The following SLIT1 variants were observed in gnomAD, a reference collection of about 807,000 sequenced individuals.
The protein encoded by SLIT1 is slit homolog 1 protein.
A neutral mutation model predicts 186.1 loss-of-function variants in SLIT1; 66 were observed. The ratio of observed to expected loss-of-function variants is 0.35; its 90% CI spans 0.29 to 0.44. The LOEUF (loss-of-function observed/expected upper bound fraction) is 0.44. Ranked by LOEUF, SLIT1 falls within the 20% of genes least tolerant of loss-of-function variation. The pLI, the probability that SLIT1 is intolerant of heterozygous loss-of-function variation, is 1.00. For synonymous variants in SLIT1, 761 were observed against 833.8 expected, an observed-to-expected ratio of 0.91 and a Z score of 1.50; for missense variants, 1,638 against 2,037.4, an observed-to-expected ratio of 0.80 and a Z score of 3.77.
At chr10:97,124,614 AGGGCT>A (rs1236306279) in intron 4 of SLIT1, among the ~76,000 whole-genome samples, 1 of 152,178 alleles carries the variant, frequency 6.6e-6, no homozygotes, top group Non-Finnish European at 1.5e-5. Flanking sequence ...CCAGCCTGAG[AGGGCT>A]GAGCTTTGCA....
intron 22 of SLIT1, among the ~76,000 whole-genome samples, chr10:97,037,097 T>TGG (rs1211039205): frequency 2.3e-5 from 3 of 130,574 alleles, no homozygotes; most frequent in Non-Finnish European, 3.5e-5. Context: ...TGTGTGTGTG[T>TGG]GTATGTGTGT....
intron 4 of SLIT1, among the ~76,000 whole-genome samples, chr10:97,096,376 C>T (rs947432202): frequency 3.9e-5 from 6 of 152,118 alleles, no homozygotes; most frequent in Non-Finnish European, 5.9e-5. Flanking sequence ...ATCACGCCCT[C>T]GAGCCCCCCC....
intron 3 of SLIT1, among the ~76,000 whole-genome samples, chr10:97,161,568 G>A (rs1417608191): frequency 6.6e-6 from 1 of 152,220 alleles, no homozygotes; most frequent in Non-Finnish European, 1.5e-5. Flanking sequence ...CCTGAGGTCA[G>A]GAGTTCAAGA....
At chr10:97,100,591 C>T (rs1340478252) in intron 4 of SLIT1, among the ~76,000 whole-genome samples, 1 of 150,306 alleles carries the variant, frequency 6.7e-6, no homozygotes, top group Non-Finnish European at 1.5e-5. Flanking sequence ...AGCCAAGTCG[C>T]ATCACTGCAC....
chr10:97,063,385 T>C (rs1378962411), intron 8 of SLIT1, 70 bp downstream of exon 8: 5 of 1,551,766 alleles, frequency 3.2e-6, no homozygotes, highest in Non-Finnish European at 4.4e-6. Flanking sequence ...ATGTCGAGAT[T>C]AGGGGCGGGA....
chr10:97,013,718 C>T (rs1434231504), intron 30 of SLIT1, 23 bp downstream of exon 30: 1 of 1,534,062 alleles, frequency 6.5e-7, no homozygotes, highest in Non-Finnish European at 8.8e-7. Flanking sequence ...TCCTCCCTGG[C>T]CCTGGAAAGG....
rs1564692706 is a variant in SLIT1 at position 97,166,559 on chromosome 10, G to GGA, written c.198-1670_198-1669insTC. ...GGAAGGAAGGAAGGAAGGAAGGAAA[G>GGA]AGAGAGAGAGAGAAAGAAAGAAAGA... On this transcript the variant is annotated intron_variant, in intron 1 of 36. Coordinates refer to ENST00000266058, the MANE Select transcript of SLIT1 (RefSeq NM_003061.3). Among the ~76,000 whole-genome samples, 93 of 56,012 alleles carry GGA rather than the reference G, an allele frequency of 1.7e-3. 3 individuals are homozygous for GGA. In the East Asian group the frequency reaches 0.018, roughly 11 times the overall value. The allele number at this position is 56,012 out of a possible 152,430, so 36.7% of individuals were successfully genotyped here. A position where few individuals can be genotyped will look rare whatever the true frequency, so the allele number is the denominator to read the frequency against.
rs1211820749 is a variant in SLIT1 at position 97,000,686 on chromosome 10, T to A, written c.*426A>T. ...TGCCCGCAGAGGGGTAAGAGGCTTC[T>A]GGGGCCACAGACCCAGTTCCAAGCC... On this transcript the variant is annotated 3_prime_UTR_variant, in exon 37 of 37. Coordinates refer to ENST00000266058, the MANE Select transcript of SLIT1 (RefSeq NM_003061.3). The A allele has an allele frequency of 2.4e-5, 4 of 164,940 alleles. No homozygotes were observed. Among genetic ancestry groups the A allele is most frequent in the African/African-American group, 9.6e-5 (4 of 41,798 alleles). The allele number at this position is 164,940 out of a possible 1,614,324, so 10.2% of individuals were successfully genotyped here. A position where few individuals can be genotyped will look rare whatever the true frequency, so the allele number is the denominator to read the frequency against.
intron 1 of SLIT1, among the ~76,000 whole-genome samples, chr10:97,170,378 G>A (rs1285522574): frequency 3.3e-5 from 5 of 152,176 alleles, no homozygotes; most frequent in Admixed American, 1.3e-4. Context: ...CACACAATTC[G>A]TGCTCTCTAC....
At chr10:97,180,236 A>G (rs1467544418) in intron 1 of SLIT1, among the ~76,000 whole-genome samples, 2 of 152,212 alleles carry the variant, frequency 1.3e-5, no homozygotes, top group Non-Finnish European at 2.9e-5. Context: ...CCTTAATAAC[A>G]ATAATAATAC....
chr10:97,020,901 G>C (rs571695213), intron 26 of SLIT1, among the ~76,000 whole-genome samples: 1 of 152,286 alleles, frequency 6.6e-6, no homozygotes, highest in Non-Finnish European at 1.5e-5. Context: ...CAGGGACTGA[G>C]AGAGGTCTAA....
At chr10:97,165,045 C>A (rs1270943965) in intron 1 of SLIT1, among the ~76,000 whole-genome samples, 155 bp from the exon 2 acceptor site, 2 of 152,138 alleles carry the variant, frequency 1.3e-5, no homozygotes, top group Non-Finnish European at 2.9e-5. Flanking sequence ...CAAGACCCAA[C>A]AAGCTGGGCC....
At chr10:97,163,477 G>A (rs1270973760) in intron 2 of SLIT1, 26 bp from the exon 3 acceptor site, 16 of 1,606,746 alleles carry the variant, frequency 1.0e-5, no homozygotes, top group Non-Finnish European at 1.4e-5. Flanking sequence ...GACAAGGACA[G>A]CTACAGGGTG....
At chr10:97,137,906 T>C (rs1244629926) in intron 4 of SLIT1, among the ~76,000 whole-genome samples, 2 of 152,226 alleles carry the variant, frequency 1.3e-5, no homozygotes. Flanking sequence ...CTATGCCCTG[T>C]TTCCACATAA....
chr10:97,066,134 G>T, intron 4 of SLIT1, 48 bp from the exon 5 acceptor site: 1 of 1,455,068 alleles, frequency 6.9e-7, no homozygotes, highest in Non-Finnish European at 9.5e-7. Context: ...CAGAAAAGAG[G>T]TTCCTGCAGA....
chr10:97,165,795 G>A (rs1004008462), intron 1 of SLIT1, among the ~76,000 whole-genome samples: 1 of 152,102 alleles, frequency 6.6e-6, no homozygotes, highest in Non-Finnish European at 1.5e-5. Context: ...CCTGGGGCCA[G>A]GCCTACAGCT....
At chr10:97,185,427 G>C in intron 1 of SLIT1, 51 bp downstream of exon 1, 1 of 1,570,366 alleles carries the variant, frequency 6.4e-7, no homozygotes, top group South Asian at 1.2e-5. Context: ...TTGCGTCTGG[G>C]TGGGAGGGCA....
chr10:97,081,053 C>G (rs569493566), intron 4 of SLIT1, among the ~76,000 whole-genome samples: 10 of 152,180 alleles, frequency 6.6e-5, no homozygotes, highest in African/African-American at 1.9e-4. Context: ...GGCAGGCCAC[C>G]CTTCACACGC....
chr10:97,156,002 C>T (rs1361243900), intron 4 of SLIT1, among the ~76,000 whole-genome samples: 4 of 152,320 alleles, frequency 2.6e-5, no homozygotes, highest in South Asian at 2.1e-4. Context: ...GACATTACCA[C>T]GGAGGCACCT....
Sources: allele counts gnomAD v4.1 joint callset (sites outside exome capture counted in the v4.1 genomes callset), GRCh38; gene constraint gnomAD v4.1.1; transcripts MANE v1.5; gene names NCBI Gene and HGNC (gene_info 2026-07-23, HGNC 2026-07-21).